Variants in ZNF385D observed in about 807,000 individuals in gnomAD.
The protein encoded by ZNF385D is zinc finger protein 659.
In ZNF385D, 15 loss-of-function variants were observed where a neutral mutation model predicts 35.8. The ratio of observed to expected loss-of-function variants is 0.42; its 90% confidence interval spans 0.28 to 0.64. The LOEUF is 0.64. Ranked by LOEUF, ZNF385D falls within the 30% of genes least tolerant of loss-of-function variation. The pLI, the probability that ZNF385D is intolerant of heterozygous loss-of-function variation, is 0.23. For missense variants in ZNF385D, 474 were observed against 494.6 expected (o/e 0.96, Z 0.39); for synonymous variants, 212 against 186.8 (o/e 1.13, Z -1.10).
intron 3 of ZNF385D, among the ~76,000 whole-genome samples, chr3:21,933,353 G>C (rs561169642): frequency 6.6e-6 from 1 of 152,236 alleles, no homozygotes; most frequent in Non-Finnish European, 1.5e-5. Context: ...TTTGCTATTT[G>C]ATCTATATAC....
chr3:21,571,027 TACAC>T (rs10576589), intron 2 of ZNF385D, among the ~76,000 whole-genome samples: 65,421 of 151,776 alleles, frequency 0.43, 14,468 homozygotes, highest in African/African-American at 0.55. Flanking sequence ...ACAAATAACT[TACAC>T]ACAAAAAGTA....
In ZNF385D at chr3:21,413,110, A is replaced by G. The variant is rs1422095608; in HGVS notation, c.*8104T>C. On this transcript the variant is annotated 3_prime_UTR_variant, in exon 8 of 8. Coordinates refer to ENST00000281523, the MANE Select transcript of ZNF385D (RefSeq NM_024697.3). ...TGGGTTTTTAATGAAAACAAATATA[A>G]CAATAACATATAGAATCATCATTCA... 6.6e-6 allele frequency: 1 copy of G among 152,062 alleles called. No individual in the cohort carries two copies. Among genetic ancestry groups the G allele is most frequent in the Non-Finnish European group, 1.5e-5 (1 of 67,986 alleles). 9.4% of individuals were successfully genotyped at this position (152,062 alleles called of 1,614,324 possible). A position where few individuals can be genotyped will look rare whatever the true frequency, so the allele number is the denominator to read the frequency against.
intron 3 of ZNF385D, among the ~76,000 whole-genome samples, chr3:21,873,538 G>T (rs1486874366): frequency 1.3e-5 from 2 of 151,988 alleles, no homozygotes; most frequent in African/African-American, 4.8e-5. Context: ...GTACAGTATG[G>T]TATTCTTAAC....
At chr3:21,757,486 T>C (rs1033671370) in intron 3 of ZNF385D, among the ~76,000 whole-genome samples, 6 of 152,154 alleles carry the variant, frequency 3.9e-5, no homozygotes, top group Non-Finnish European at 1.5e-5. Context: ...GATAGACAGC[T>C]AATAGGAGCT....
Position 22,229,463 on chromosome 3 carries a change from T to G in ZNF385D, c.107-60428A>C, listed in dbSNP as rs75261164. Among the ~76,000 whole-genome samples, 87 of 152,320 alleles carry G rather than the reference T, an allele frequency of 5.7e-4. 1 individual carries two copies. Among genetic ancestry groups the G allele is most frequent in the Admixed American group, 5.9e-4 (9 of 15,300 alleles). ...ACTCAGGCACTCCAGGTTTTCAGCA[T>G]TGATATTGTTGGCTGTTTTCCAGAT... is the stretch of plus-strand genomic sequence containing the variant. On this transcript the variant is annotated intron_variant, in intron 2 of 5. Coordinates refer to the ZNF385D transcript ENST00000494108.
chr3:21,687,009 C>T (rs553460714), intron 1 of ZNF385D, among the ~76,000 whole-genome samples: 7 of 152,296 alleles, frequency 4.6e-5, no homozygotes, highest in African/African-American at 1.4e-4. Flanking sequence ...GCATAAGAGA[C>T]ACCATGTGCT....
At chr3:21,667,124 T>C (rs1221414700) in intron 1 of ZNF385D, among the ~76,000 whole-genome samples, 2 of 152,134 alleles carry the variant, frequency 1.3e-5, no homozygotes, top group Admixed American at 6.6e-5. Flanking sequence ...AAATCAGTGA[T>C]GTGGTGAAAT....
intron 2 of ZNF385D, among the ~76,000 whole-genome samples, chr3:21,639,367 G>C (rs912043248): frequency 1.3e-5 from 2 of 151,936 alleles, no homozygotes; most frequent in East Asian, 3.9e-4. Context: ...TACATAGTAA[G>C]TATCCAATAA....
At chr3:21,430,332 A>T (rs995986442) in intron 5 of ZNF385D, among the ~76,000 whole-genome samples, 1 of 152,176 alleles carries the variant, frequency 6.6e-6, no homozygotes, top group Non-Finnish European at 1.5e-5. Context: ...CAATTTGGAA[A>T]GGTGAAAATA....
intron 3 of ZNF385D, among the ~76,000 whole-genome samples, chr3:21,762,152 C>T (rs934494638): frequency 6.6e-6 from 1 of 152,116 alleles, no homozygotes; most frequent in Admixed American, 6.5e-5. Context: ...GCTGGGATTA[C>T]AGGCGTGAGT....
At chr3:21,961,601 C>T (rs1702598147) in intron 3 of ZNF385D, 1 of 151,986 alleles carries the variant, frequency 6.6e-6, no homozygotes. Flanking sequence ...TTTTATAGAA[C>T]ATTAAAATGT....
At chr3:21,668,185 G>C (rs1474467345) in intron 1 of ZNF385D, among the ~76,000 whole-genome samples, 1 of 152,144 alleles carries the variant, frequency 6.6e-6, no homozygotes, top group African/African-American at 2.4e-5. Flanking sequence ...TGGCCTGAGA[G>C]CCTCTTTACA....
chr3:21,902,527 A>G (rs973731375), intron 3 of ZNF385D, among the ~76,000 whole-genome samples: 5 of 152,286 alleles, frequency 3.3e-5, no homozygotes, highest in African/African-American at 1.2e-4. Flanking sequence ...TCCTCCTTTT[A>G]TAGAATCAAG....
At chr3:22,162,452 A>G (rs914213923) in intron 3 of ZNF385D, among the ~76,000 whole-genome samples, 1 of 151,980 alleles carries the variant, frequency 6.6e-6, no homozygotes, top group Non-Finnish European at 1.5e-5. Flanking sequence ...AGAAAAAAAG[A>G]GACTAAAATC....
intron 3 of ZNF385D, among the ~76,000 whole-genome samples, chr3:22,127,831 T>C (rs1004020342): frequency 6.6e-6 from 1 of 152,102 alleles, no homozygotes; most frequent in Non-Finnish European, 1.5e-5. Context: ...GTTGTTTCTG[T>C]TTATATCATA....
chr3:22,106,782 T>C (rs1436544378), intron 3 of ZNF385D, among the ~76,000 whole-genome samples: 1 of 152,184 alleles, frequency 6.6e-6, no homozygotes, highest in Non-Finnish European at 1.5e-5. Flanking sequence ...ATCTTCTACC[T>C]AATGCGGAGA....
intron 3 of ZNF385D, among the ~76,000 whole-genome samples, chr3:22,045,552 G>A (rs1017909042): frequency 6.6e-6 from 1 of 152,032 alleles, no homozygotes; most frequent in Admixed American, 6.6e-5. Flanking sequence ...AGAAATTCAG[G>A]TGTGAGTTCT....
intron 3 of ZNF385D, among the ~76,000 whole-genome samples, chr3:21,885,127 A>T (rs1698475439): frequency 6.6e-6 from 1 of 152,082 alleles, no homozygotes; most frequent in African/African-American, 2.4e-5. Context: ...AAAAATGTTA[A>T]TAATTTACAT....
At chr3:21,555,925 T>C (rs1039936495) in intron 3 of ZNF385D, among the ~76,000 whole-genome samples, 1 of 151,784 alleles carries the variant, frequency 6.6e-6, no homozygotes, top group Non-Finnish European at 1.5e-5. Flanking sequence ...TGAGATGGTA[T>C]CTCATTGTGG....
Sources: allele counts gnomAD v4.1 joint callset (sites outside exome capture counted in the v4.1 genomes callset), GRCh38; gene constraint gnomAD v4.1.1; transcripts MANE v1.5; gene names NCBI Gene and HGNC (gene_info 2026-07-23, HGNC 2026-07-21).